SLC24A3: variants seen among roughly 807,000 people sequenced by gnomAD.
SLC24A3 encodes the protein solute carrier family 24 member 3, also known as sodium/potassium/calcium exchanger 3.
SLC24A3 carries 28 observed loss-of-function variants against 75.8 expected under a neutral mutation model. The observed-to-expected ratio is 0.37, with a 90% CI of 0.27 to 0.51. SLC24A3 has a LOEUF of 0.51. Among genes scored for constraint, SLC24A3 ranks in the 20% least tolerant of loss-of-function variants. The probability of loss-of-function intolerance (pLI) is 0.94; values close to 1 mark genes in which losing one functional copy is unlikely to be tolerated. For missense variants in SLC24A3, 663 were observed against 847.8 expected (o/e 0.78, Z 2.71); for synonymous variants, 372 against 334.1 (o/e 1.11, Z -1.24).
intron 2 of SLC24A3, among the ~76,000 whole-genome samples, chr20:19,456,011 A>C (rs1003010293): frequency 6.6e-5 from 10 of 152,214 alleles, no homozygotes; most frequent in African/African-American, 2.4e-4. Flanking sequence ...TGGGGAAGGT[A>C]AGGTAAGTAC....
At chr20:19,529,185 G>A (rs2030250149) in intron 3 of SLC24A3, among the ~76,000 whole-genome samples, 1 of 151,694 alleles carries the variant, frequency 6.6e-6, no homozygotes. Flanking sequence ...GTGTATATAT[G>A]TGTGTGTGTA....
intron 3 of SLC24A3, among the ~76,000 whole-genome samples, chr20:19,572,877 G>C (rs963651518): frequency 1.3e-5 from 2 of 151,986 alleles, no homozygotes; most frequent in Admixed American, 6.5e-5. Flanking sequence ...CCTGTGATCA[G>C]GGAAAATAAA....
At chr20:19,526,790 A>G (rs1245642122) in intron 3 of SLC24A3, among the ~76,000 whole-genome samples, 1 of 152,076 alleles carries the variant, frequency 6.6e-6, no homozygotes, top group Non-Finnish European at 1.5e-5. Context: ...CCTTCTGTCT[A>G]TCTTGATTTT....
intron 2 of SLC24A3, among the ~76,000 whole-genome samples, chr20:19,500,601 T>C (rs988693217): frequency 1.3e-5 from 2 of 152,212 alleles, no homozygotes; most frequent in South Asian, 4.1e-4. Flanking sequence ...CCTCCATAAA[T>C]CTATATGAAA....
At chr20:19,466,904 T>C (rs1211369137) in intron 2 of SLC24A3, among the ~76,000 whole-genome samples, 2 of 152,212 alleles carry the variant, frequency 1.3e-5, no homozygotes, top group African/African-American at 4.8e-5. Context: ...ATCCACTACA[T>C]GTCAGGGCTT....
intron 6 of SLC24A3, among the ~76,000 whole-genome samples, chr20:19,607,612 C>T (rs1198045677): frequency 6.6e-6 from 1 of 152,120 alleles, no homozygotes; most frequent in African/African-American, 2.4e-5. Context: ...GCTTCATGGC[C>T]GACTGTCCAC....
At chr20:19,618,658 C>T (rs1212964456) in intron 6 of SLC24A3, among the ~76,000 whole-genome samples, 1 of 152,134 alleles carries the variant, frequency 6.6e-6, no homozygotes, top group African/African-American at 2.4e-5. Context: ...CTTTTTAAGC[C>T]TCTTGTGCCT....
At chr20:19,620,694 G>T (rs1234698456) in intron 6 of SLC24A3, among the ~76,000 whole-genome samples, 1 of 152,168 alleles carries the variant, frequency 6.6e-6, no homozygotes, top group Admixed American at 6.5e-5. Flanking sequence ...GATGATTAAC[G>T]CATGTGTTGC....
At chr20:19,501,723 C>T (rs1988387320) in intron 2 of SLC24A3, among the ~76,000 whole-genome samples, 2 of 152,144 alleles carry the variant, frequency 1.3e-5, no homozygotes, top group Middle Eastern at 3.2e-3. Context: ...TAGTTGAGAG[C>T]TTTGGAAGGC....
chr20:19,354,685 G>A (rs139605719), intron 2 of SLC24A3, among the ~76,000 whole-genome samples: 26 of 151,536 alleles, frequency 1.7e-4, no homozygotes, highest in East Asian at 5.9e-4. Context: ...ATTAGGAAAT[G>A]AAGATTAAAA....
chr20:19,371,415 A>G (rs977650062), intron 2 of SLC24A3, among the ~76,000 whole-genome samples: 1 of 152,128 alleles, frequency 6.6e-6, no homozygotes, highest in Non-Finnish European at 1.5e-5. Context: ...GTGGTGTGGA[A>G]CAGCTGGGAG....
chr20:19,236,672 T>C lies in SLC24A3; in HGVS notation c.142+23688T>C, dbSNP rs145890899. On this transcript the variant is annotated intron_variant, in intron 1 of 16. Coordinates refer to ENST00000328041, the MANE Select transcript of SLC24A3 (RefSeq NM_020689.4). ...TGGGGAGGCTGAGGAGGCAGCATCA[T>C]TTGAGCCCAGGCGTTTGAGGCTGCA... Among the ~76,000 whole-genome samples, 639 of 152,280 alleles carry C rather than the reference T, an allele frequency of 4.2e-3. 4 individuals are homozygous for C. The highest frequency in any genetic ancestry group is 0.015 in the African/African-American group (610 of 41,562).
intron 2 of SLC24A3, among the ~76,000 whole-genome samples, chr20:19,489,684 T>C (rs958258761): frequency 3.9e-5 from 6 of 152,208 alleles, no homozygotes; most frequent in African/African-American, 1.4e-4. Context: ...GAATTTTAAC[T>C]GTTGTTGAGA....
chr20:19,486,418 G>A (rs1007014081), intron 2 of SLC24A3, among the ~76,000 whole-genome samples: 2 of 152,192 alleles, frequency 1.3e-5, no homozygotes, highest in African/African-American at 4.8e-5. Flanking sequence ...TACACCAAAA[G>A]TGGTGAATTT....
chr20:19,256,768 CAAAAAAAAA>C (rs11475395), intron 1 of SLC24A3, among the ~76,000 whole-genome samples: 3 of 80,308 alleles, frequency 3.7e-5, no homozygotes, highest in Non-Finnish European at 5.8e-5. Context: ...GACGTTGTCT[CAAAAAAAAA>C]AAAAAAAAAA....
At chr20:19,380,628 G>A (rs1986164934) in intron 2 of SLC24A3, among the ~76,000 whole-genome samples, 1 of 152,158 alleles carries the variant, frequency 6.6e-6, no homozygotes, top group African/African-American at 2.4e-5. Flanking sequence ...GTCTCTACTA[G>A]CCTCTGAGGA....
intron 2 of SLC24A3, among the ~76,000 whole-genome samples, chr20:19,481,656 A>T (rs1262598133): frequency 6.6e-6 from 1 of 152,052 alleles, no homozygotes; most frequent in African/African-American, 2.4e-5. Context: ...GCAGAGTTTG[A>T]TGTTGGCAGG....
intron 2 of SLC24A3, among the ~76,000 whole-genome samples, chr20:19,484,843 AT>A (rs2122523142): frequency 6.6e-6 from 1 of 152,344 alleles, no homozygotes; most frequent in South Asian, 2.1e-4. Context: ...TGCTGTGTAC[AT>A]TTTTACCACA....
chr20:19,682,377 T>A (rs1380814312), intron 10 of SLC24A3, among the ~76,000 whole-genome samples: 1 of 152,204 alleles, frequency 6.6e-6, no homozygotes, highest in African/African-American at 2.4e-5. Flanking sequence ...CCAGCTGGCC[T>A]TGAGAGGGCA....
Sources: allele counts gnomAD v4.1 joint callset (sites outside exome capture counted in the v4.1 genomes callset), GRCh38; gene constraint gnomAD v4.1.1; transcripts MANE v1.5; gene names NCBI Gene and HGNC (gene_info 2026-07-23, HGNC 2026-07-21).